Variants in HIVEP1 observed in about 807,000 individuals in gnomAD.
HIVEP1 encodes zinc finger protein 40.
HIVEP1 carries 36 observed loss-of-function variants against 180.0 expected under a neutral mutation model. That is an observed-to-expected ratio of 0.20 (90% CI 0.15 to 0.26). The LOEUF (loss-of-function observed/expected upper bound fraction) is 0.26. Among genes scored for constraint, HIVEP1 ranks in the 10% least tolerant of loss-of-function variants. The pLI is 1.00. For synonymous variants in HIVEP1, 1,239 were observed against 1,239.0 expected (o/e 1.00, Z 0.00); for missense variants, 3,143 against 3,268.7 (o/e 0.96, Z 0.94).
At position 12,142,591 on chromosome 6, in the gene HIVEP1, C is replaced by A. The variant is rs1759112693; in HGVS notation, c.6487+6699C>A. Among the ~76,000 whole-genome samples, 4 of 152,154 alleles carry A rather than the reference C, an allele frequency of 2.6e-5. No homozygotes were observed. The South Asian group carries it at 8.3e-4, about 32-fold the overall frequency. On this transcript the variant is annotated intron_variant, in intron 7 of 8. Transcript: ENST00000379388. ...AAACCCTTGAAAAAATCAATGAATC[C>A]AGGAGCTGGTTTTTTGAAAAGATCA...
intron 7 of HIVEP1, among the ~76,000 whole-genome samples, chr6:12,140,032 C>T (rs1454804147): frequency 6.6e-6 from 1 of 152,224 alleles, no homozygotes; most frequent in Non-Finnish European, 1.5e-5. Flanking sequence ...CAGACTGCCT[C>T]CTCAAGTGGG....
intron 2 of HIVEP1, among the ~76,000 whole-genome samples, chr6:12,081,529 C>G (rs1030637497): frequency 3.3e-5 from 5 of 152,102 alleles, no homozygotes; most frequent in African/African-American, 9.7e-5. Context: ...TTCCTTCCCT[C>G]TGGCCTCAGA....
chr6:12,152,953 T>C (rs148851974), intron 7 of HIVEP1, among the ~76,000 whole-genome samples: 38 of 152,358 alleles, frequency 2.5e-4, no homozygotes, highest in Non-Finnish European at 4.1e-4. Context: ...ATAAAAAATA[T>C]ATGGTGTTCG....
At chr6:12,020,340 G>C (rs1768101060) in intron 2 of HIVEP1, 1 of 471,078 alleles carries the variant, frequency 2.1e-6, no homozygotes, top group Admixed American at 2.3e-5. Context: ...GTGTTCAGAA[G>C]AAAGGCTTAG....
In HIVEP1 at chr6:12,080,353, A is replaced by C. The variant is rs143587739; in HGVS notation, c.41-8831A>C. On this transcript the variant is annotated intron_variant, in intron 2 of 8. Coordinates refer to ENST00000379388, the MANE Select transcript of HIVEP1 (RefSeq NM_002114.4). ...TTCCTAGCATCTTCTATGGGTAAAA[A>C]CATATTTAGTATAAGGGGGAACTTC... Among the ~76,000 whole-genome samples the C allele has an allele frequency of 1.3e-4, 20 of 152,276 alleles. No homozygotes were observed. The East Asian group carries it at 3.3e-3, about 25-fold the overall frequency.
intron 2 of HIVEP1, among the ~76,000 whole-genome samples, chr6:12,058,130 A>G (rs1770994520): frequency 6.6e-6 from 1 of 152,166 alleles, no homozygotes; most frequent in Non-Finnish European, 1.5e-5. Flanking sequence ...CTAGGTAATC[A>G]GATTGATTCT....
upstream of HIVEP1, among the ~76,000 whole-genome samples, chr6:12,009,139 G>GGCGGCA (rs1169768607): frequency 6.8e-6 from 1 of 146,454 alleles, no homozygotes; most frequent in Non-Finnish European, 1.5e-5. Context: ...CGGCGGCGGC[G>GGCGGCA]GCGGCGCTGC....
At chr6:12,136,816 C>G (rs1216056075) in intron 7 of HIVEP1, among the ~76,000 whole-genome samples, 1 of 151,960 alleles carries the variant, frequency 6.6e-6, no homozygotes, top group Non-Finnish European at 1.5e-5. Context: ...TTCATGTGTT[C>G]TAACTCATCA....
intron 2 of HIVEP1, among the ~76,000 whole-genome samples, chr6:12,019,192 A>G (rs1031224960): frequency 1.3e-5 from 2 of 152,110 alleles, no homozygotes; most frequent in African/African-American, 4.8e-5. Flanking sequence ...AGTGTAGCTC[A>G]CTCAGCAGCG....
At chr6:12,009,993 C>T (rs973265035), upstream of HIVEP1, among the ~76,000 whole-genome samples, 1 of 152,202 alleles carries the variant, frequency 6.6e-6, no homozygotes, top group South Asian at 2.1e-4. Context: ...TTTTTCACTT[C>T]CAAAGTGATA....
chr6:12,069,608 ATATACC>A (rs1423387744), intron 2 of HIVEP1, among the ~76,000 whole-genome samples: 1 of 149,548 alleles, frequency 6.7e-6, no homozygotes, highest in Non-Finnish European at 1.5e-5. Flanking sequence ...GCATTGGGAG[ATATACC>A]TAATGCTAGA....
intron 3 of HIVEP1, among the ~76,000 whole-genome samples, chr6:12,096,452 A>G (rs1337354572): frequency 1.3e-5 from 2 of 151,948 alleles, no homozygotes; most frequent in African/African-American, 4.8e-5. Context: ...GAGTGGCTCC[A>G]TTGGATCATG....
intron 6 of HIVEP1, among the ~76,000 whole-genome samples, chr6:12,131,654 C>T (rs1454649963): frequency 2.6e-5 from 4 of 151,190 alleles, no homozygotes; most frequent in Admixed American, 6.6e-5. Context: ...TTGCTTCCTC[C>T]GTCAGGCTCC....
rs1352647685 is a variant in HIVEP1, at chr6:12,063,519, CGTG to C, written c.41-25663_41-25661del. ...GCTCATGTTGGCAGGTGTGGCTGCA[CGTG>C]GAAGGTGGGTTGGAAGGCAGGGAAG... On this transcript the variant is annotated intron_variant, in intron 2 of 8. Transcript: ENST00000379388. This position sits in a 1 kb window ranked among gnomAD's most constrained non-coding sequence, Gnocchi z 4.2. Among the ~76,000 whole-genome samples, 1 of 151,890 alleles carries C rather than the reference CGTG, an allele frequency of 6.6e-6. No homozygotes were observed. Among genetic ancestry groups the C allele is most frequent in the African/African-American group, 2.4e-5 (1 of 41,312 alleles).
At chr6:12,155,309 G>T (rs1000863626) in intron 7 of HIVEP1, among the ~76,000 whole-genome samples, 1 of 151,828 alleles carries the variant, frequency 6.6e-6, no homozygotes, top group East Asian at 1.9e-4. Context: ...CAGGTTTGTC[G>T]CACAGGTAAA....
intron 7 of HIVEP1, among the ~76,000 whole-genome samples, chr6:12,158,952 T>G (rs1037232346): frequency 6.6e-6 from 1 of 152,096 alleles, no homozygotes; most frequent in African/African-American, 2.4e-5. Flanking sequence ...AGCACCTGGG[T>G]GATGGTCATG....
At chr6:12,034,888 A>G (rs1378891778) in intron 2 of HIVEP1, among the ~76,000 whole-genome samples, 1 of 152,224 alleles carries the variant, frequency 6.6e-6, no homozygotes, top group African/African-American at 2.4e-5. Flanking sequence ...CTGACATGCC[A>G]CTGAAACAGC....
chr6:12,009,743 A>G (rs1418709511), upstream of HIVEP1, among the ~76,000 whole-genome samples: 1 of 152,276 alleles, frequency 6.6e-6, no homozygotes, highest in African/African-American at 2.4e-5. Flanking sequence ...AACTGCATTT[A>G]GAAAATTCAA....
At chr6:12,137,893 G>A (rs219939) in intron 7 of HIVEP1, among the ~76,000 whole-genome samples, 151,277 of 152,370 alleles carry the variant, frequency 0.99, 75,097 homozygotes, top group East Asian at 1. Context: ...AAAGTATTTT[G>A]TTGTGTGTAC....
Sources: allele counts gnomAD v4.1 joint callset (sites outside exome capture counted in the v4.1 genomes callset), GRCh38; gene constraint gnomAD v4.1.1; non-coding constraint Gnocchi (gnomAD v3.1); transcripts MANE v1.5; gene names NCBI Gene and HGNC (gene_info 2026-07-23, HGNC 2026-07-21).